Variants in GNAO1 observed in about 807,000 individuals in gnomAD.
The protein encoded by GNAO1 is G protein subunit alpha o1.
For synonymous variants in GNAO1, 164 were observed against 180.7 expected, an observed-to-expected ratio of 0.91 and a Z score of 0.74; for missense variants, 166 against 478.7, an observed-to-expected ratio of 0.35 and a Z score of 6.10.
chr16:56,272,181 C>T (rs552682405), intron 2 of GNAO1, among the ~76,000 whole-genome samples: 92 of 152,046 alleles, frequency 6.1e-4, no homozygotes, highest in African/African-American at 2.0e-3. Context: ...TGGTGGCGGG[C>T]GCCTGTAGTC....
rs744302 is a variant in GNAO1 at position 56,259,079 on chromosome 16, G to A, written c.162-16852G>A. Among the ~76,000 whole-genome samples the A allele has an allele frequency of 1.3e-3, 191 of 152,328 alleles. No homozygotes were observed. The East Asian group carries it at 0.023, about 18-fold the overall frequency. ...CTTAGGGACATTTTGTGATCAGTGGGCGTCAGCAAGTCCATGTTGGAGCTG... is the reference window on the plus strand; with the variant it reads ...CTTAGGGACATTTTGTGATCAGTGGACGTCAGCAAGTCCATGTTGGAGCTG... On this transcript the variant is annotated intron_variant, in intron 2 of 8. Transcript: ENST00000262493.
chr16:56,349,699 G>A (rs2037903949), intron 6 of GNAO1, among the ~76,000 whole-genome samples: 4 of 152,206 alleles, frequency 2.6e-5, no homozygotes, highest in Admixed American at 2.0e-4. Flanking sequence ...CTCCTGGGGG[G>A]TGGGGAATAA....
intron 2 of GNAO1, among the ~76,000 whole-genome samples, chr16:56,195,074 C>CTTTTTT: frequency 1.1e-5 from 1 of 93,606 alleles, no homozygotes; most frequent in South Asian, 3.8e-4. Flanking sequence ...TTTACTTCTC[C>CTTTTTT]TTTTTTTTTT....
chr16:56,315,111 T>G (rs1275989134), intron 3 of GNAO1, among the ~76,000 whole-genome samples: 1 of 152,194 alleles, frequency 6.6e-6, no homozygotes, highest in African/African-American at 2.4e-5. Context: ...TAGGCACCAG[T>G]TGGCCAACCC....
At chr16:56,277,925 G>A (rs917214827) in intron 3 of GNAO1, among the ~76,000 whole-genome samples, 18 of 151,890 alleles carry the variant, frequency 1.2e-4, no homozygotes, top group African/African-American at 4.4e-4. Flanking sequence ...TTATAACCCA[G>A]CAAAGTCAGT....
At chr16:56,347,887 C>G in intron 6 of GNAO1, 1 of 972,622 alleles carries the variant, frequency 1.0e-6, no homozygotes, top group Non-Finnish European at 1.2e-6. Flanking sequence ...CTGGTTCTGA[C>G]CCATCCCCTG....
chr16:56,335,701 A>T (rs1212796760), intron 5 of GNAO1, among the ~76,000 whole-genome samples: 3 of 152,150 alleles, frequency 2.0e-5, no homozygotes, highest in Non-Finnish European at 2.9e-5. Flanking sequence ...TTGCCTTCCC[A>T]GGCTCCTTGG....
chr16:56,316,269 T>G (rs2143618487), intron 3 of GNAO1, among the ~76,000 whole-genome samples: 1 of 152,300 alleles, frequency 6.6e-6, no homozygotes, highest in Non-Finnish European at 1.5e-5. Flanking sequence ...ATGGAAGGCC[T>G]GGCATTTCCT....
At chr16:56,192,709 C>T (rs2036189170) in intron 2 of GNAO1, 93 bp downstream of exon 2, 1 of 765,864 alleles carries the variant, frequency 1.3e-6, no homozygotes, top group South Asian at 1.4e-5. Flanking sequence ...GCTCTCCAGG[C>T]CTGTTTTTTA....
At chr16:56,264,068 C>T (rs931116093) in intron 2 of GNAO1, among the ~76,000 whole-genome samples, 2 of 152,206 alleles carry the variant, frequency 1.3e-5, no homozygotes, top group African/African-American at 2.4e-5. Flanking sequence ...AAGAGGAGGC[C>T]GACAGAGCTG....
chr16:56,318,332 GC>G (rs569028912), intron 3 of GNAO1, among the ~76,000 whole-genome samples: 7 of 152,164 alleles, frequency 4.6e-5, no homozygotes, highest in Admixed American at 6.5e-5. Flanking sequence ...GCCAGGCTGG[GC>G]CCCCCCAGCG....
chr16:56,269,610 A>G (rs578172736), intron 2 of GNAO1, among the ~76,000 whole-genome samples: 1 of 152,306 alleles, frequency 6.6e-6, no homozygotes, highest in East Asian at 1.9e-4. Context: ...CTGGCTCTAG[A>G]AGCCCCCGCT....
At chr16:56,299,038 A>G (rs2037316167) in intron 3 of GNAO1, among the ~76,000 whole-genome samples, 1 of 152,232 alleles carries the variant, frequency 6.6e-6, no homozygotes, top group Non-Finnish European at 1.5e-5. Context: ...GGCTTGCCTC[A>G]TCCATATGAG....
chr16:56,278,408 G>A (rs531015590), intron 3 of GNAO1, among the ~76,000 whole-genome samples: 8 of 152,324 alleles, frequency 5.3e-5, no homozygotes, highest in East Asian at 1.9e-4. Flanking sequence ...GAGTGAACCC[G>A]AGACCCAGGC....
At position 56,354,816 on chromosome 16, in the gene GNAO1, C is replaced by T. The variant is rs1040750398; in HGVS notation, c.878-50C>T. 1.7e-6 allele frequency: 2 copies of T among 1,178,728 alleles called. No homozygotes were observed. Among genetic ancestry groups the T allele is most frequent in the Admixed American group, 3.5e-5 (2 of 57,332 alleles). 73.0% of individuals were successfully genotyped at this position (1,178,728 alleles called of 1,614,324 possible). ...GTCTTCATGTCCCCAGCCCTGTCCA[C>T]CCACAGCGCTCATCAGGGCCTCTCC... On this transcript the variant is annotated intron_variant, in intron 7 of 8. Transcript: ENST00000262493. The surrounding 1 kb of genome is among the most constrained non-coding windows in gnomAD (Gnocchi z 4.3).
At chr16:56,199,072 C>T (rs1408849459) in intron 2 of GNAO1, among the ~76,000 whole-genome samples, 7 of 152,224 alleles carry the variant, frequency 4.6e-5, no homozygotes, top group Non-Finnish European at 8.8e-5. Flanking sequence ...CTACCCCAGG[C>T]TCCCTTCCTG....
At chr16:56,224,518 C>T (rs1189143820) in intron 2 of GNAO1, among the ~76,000 whole-genome samples, 2 of 152,182 alleles carry the variant, frequency 1.3e-5, no homozygotes. Context: ...CACTCTGTCA[C>T]CCAGGCTGGA....
chr16:56,247,026 T>TAACA (rs759941633), intron 2 of GNAO1, among the ~76,000 whole-genome samples: 23 of 152,290 alleles, frequency 1.5e-4, no homozygotes, highest in South Asian at 1.2e-3. Context: ...TCTGCCAGAG[T>TAACA]AACAGCTTCC....
chr16:56,259,715 G>T (rs917458560), intron 2 of GNAO1, among the ~76,000 whole-genome samples: 1 of 152,230 alleles, frequency 6.6e-6, no homozygotes, highest in African/African-American at 2.4e-5. Context: ...GGTTCATGTG[G>T]TAAGGATTAA....
Sources: allele counts gnomAD v4.1 joint callset (sites outside exome capture counted in the v4.1 genomes callset), GRCh38; gene constraint gnomAD v4.1.1; non-coding constraint Gnocchi (gnomAD v3.1); transcripts MANE v1.5; gene names NCBI Gene and HGNC (gene_info 2026-07-23, HGNC 2026-07-21).